IKZF3: variants seen among roughly 807,000 people sequenced by gnomAD.
IKZF3 encodes IKAROS family zinc finger 3, also known as zinc finger protein Aiolos.
IKZF3 carries 10 observed loss-of-function variants against 49.0 expected under a neutral mutation model. The ratio of observed to expected loss-of-function variants is 0.20; its 90% CI spans 0.13 to 0.35. IKZF3 has a LOEUF of 0.35. IKZF3 is among the 10% of genes least tolerant of loss of function. IKZF3 has a pLI of 1.00. For synonymous variants in IKZF3, 209 were observed against 228.2 expected (o/e 0.92, Z 0.76); for missense variants, 498 against 664.8 (o/e 0.75, Z 2.76).
intron 6 of IKZF3, among the ~76,000 whole-genome samples, chr17:39,780,430 C>T (rs2060712260): frequency 6.6e-6 from 1 of 152,074 alleles, no homozygotes; most frequent in Admixed American, 6.5e-5. Flanking sequence ...GTGGCATGAT[C>T]ACAGCTCACT....
chr17:39,791,281 A>C, intron 5 of IKZF3, 135 bp downstream of exon 5: 19 of 847,538 alleles, frequency 2.2e-5, no homozygotes, highest in Non-Finnish European at 3.2e-5. Flanking sequence ...AATTAGCCCT[A>C]GAGGTCTCTG....
At chr17:39,855,327 C>T (rs1439709264) in intron 1 of IKZF3, among the ~76,000 whole-genome samples, 1 of 152,156 alleles carries the variant, frequency 6.6e-6, no homozygotes, top group African/African-American at 2.4e-5. Flanking sequence ...TCAAGGTCAT[C>T]GTGTAATCAT....
Position 39,829,501 on chromosome 17 carries a change from AG to A in IKZF3, c.62-14del. On this transcript the variant is annotated splice_polypyrimidine_tract_variant and intron_variant, in intron 2 of 7. Transcript: ENST00000346872. ...ACCGCTGCACTTTCTAAAAGATAAA[AG>A]GAATTTTAAGTATGTGGTTCAACGT... is the stretch of plus-strand genomic sequence containing the variant. 1 of 1,571,196 alleles carries A rather than the reference AG, an allele frequency of 6.4e-7. No homozygotes were observed. Among genetic ancestry groups the A allele is most frequent in the South Asian group, 1.1e-5 (1 of 90,164 alleles).
intron 3 of IKZF3, among the ~76,000 whole-genome samples, chr17:39,803,811 C>CCA (rs2061376135): frequency 6.6e-6 from 1 of 152,126 alleles, no homozygotes; most frequent in Admixed American, 6.5e-5. Context: ...CCGCGCCCAG[C>CCA]CACTCTATCT....
At chr17:39,816,889 T>G (rs1029235623) in intron 3 of IKZF3, among the ~76,000 whole-genome samples, 1 of 152,114 alleles carries the variant, frequency 6.6e-6, no homozygotes, top group African/African-American at 2.4e-5. Flanking sequence ...AATTTTTGTA[T>G]TTTTAGTAGA....
intron 6 of IKZF3, among the ~76,000 whole-genome samples, chr17:39,785,723 T>C (rs749095931): frequency 6.6e-6 from 1 of 152,190 alleles, no homozygotes; most frequent in African/African-American, 2.4e-5. Context: ...TTACTATATT[T>C]CTTTTGCAAA....
At chr17:39,771,378 G>T (rs1395103727) in intron 7 of IKZF3, among the ~76,000 whole-genome samples, 1 of 152,190 alleles carries the variant, frequency 6.6e-6, no homozygotes, top group East Asian at 1.9e-4. Flanking sequence ...TATTTGCTTA[G>T]CACCATGGTT....
intron 6 of IKZF3, among the ~76,000 whole-genome samples, chr17:39,780,176 A>T (rs2060702201): frequency 6.6e-6 from 1 of 151,580 alleles, no homozygotes; most frequent in Non-Finnish European, 1.5e-5. Context: ...CAAAGACCAC[A>T]ATTACTTTTG....
intron 1 of IKZF3, among the ~76,000 whole-genome samples, chr17:39,858,495 C>T (rs1212507040): frequency 6.6e-6 from 1 of 151,854 alleles, no homozygotes; most frequent in Non-Finnish European, 1.5e-5. Context: ...TATCCATTAC[C>T]AAGTACCTAG....
intron 6 of IKZF3, among the ~76,000 whole-genome samples, chr17:39,784,315 T>C (rs980320704): frequency 6.6e-6 from 1 of 152,214 alleles, no homozygotes; most frequent in African/African-American, 2.4e-5. Context: ...TCTTTTCATA[T>C]ATACTCCATT....
At chr17:39,786,418 G>C (rs1404151997) in intron 6 of IKZF3, among the ~76,000 whole-genome samples, 1 of 151,972 alleles carries the variant, frequency 6.6e-6, no homozygotes, top group Non-Finnish European at 1.5e-5. Flanking sequence ...TCATAGCTTG[G>C]GAATCTCTTA....
chr17:39,761,579 C>A lies in IKZF3; in HGVS notation c.*4211G>T, dbSNP rs549838359. On this transcript the variant is annotated 3_prime_UTR_variant, in exon 8 of 8. Coordinates refer to ENST00000346872, the MANE Select transcript of IKZF3 (RefSeq NM_012481.5). Reference sequence around the variant, plus strand: ...ATATACATACATATATATACATATACAAAAAAAATAAAAATAAATTAAAAA... The same window carrying A: ...ATATACATACATATATATACATATAAAAAAAAAATAAAAATAAATTAAAAA... 6.9e-6 allele frequency: 1 copy of A among 145,264 alleles called. No homozygotes were observed. The highest frequency in any genetic ancestry group is 2.1e-4 in the South Asian group (1 of 4,760). The allele number at this position is 145,264 out of a possible 1,614,324, so 9.0% of individuals were successfully genotyped here.
At chr17:39,826,543 G>A (rs1025096291) in intron 3 of IKZF3, among the ~76,000 whole-genome samples, 1 of 152,220 alleles carries the variant, frequency 6.6e-6, no homozygotes, top group African/African-American at 2.4e-5. Context: ...TGGCCATGTG[G>A]TAAGGCAAGA....
chr17:39,809,395 C>T (rs1312374747), intron 3 of IKZF3, among the ~76,000 whole-genome samples: 1 of 152,122 alleles, frequency 6.6e-6, no homozygotes, highest in African/African-American at 2.4e-5. Flanking sequence ...CATGTTAAAC[C>T]CAGATAATCT....
At chr17:39,828,496 G>T (rs1287598426) in intron 3 of IKZF3, among the ~76,000 whole-genome samples, 1 of 152,212 alleles carries the variant, frequency 6.6e-6, no homozygotes, top group Non-Finnish European at 1.5e-5. Flanking sequence ...AATGAGTTAT[G>T]TAACAAGTCC....
intron 1 of IKZF3, among the ~76,000 whole-genome samples, chr17:39,846,237 A>G (rs537954715): frequency 6.6e-6 from 1 of 152,290 alleles, no homozygotes; most frequent in South Asian, 2.1e-4. Flanking sequence ...AGATACTGAC[A>G]TATATATTAG....
intron 7 of IKZF3, among the ~76,000 whole-genome samples, chr17:39,768,465 C>T (rs998341185): frequency 4.6e-4 from 70 of 152,178 alleles, no homozygotes; most frequent in African/African-American, 1.5e-3. Context: ...TCTCAGGCTT[C>T]ACTCTTCCTT....
At chr17:39,814,126 G>A (rs1469309438) in intron 3 of IKZF3, among the ~76,000 whole-genome samples, 1 of 152,162 alleles carries the variant, frequency 6.6e-6, no homozygotes, top group Non-Finnish European at 1.5e-5. Context: ...ACTATGCCAT[G>A]GGAAGCTACT....
intron 1 of IKZF3, among the ~76,000 whole-genome samples, chr17:39,858,374 CACT>C (rs1313966306): frequency 2.0e-5 from 3 of 152,144 alleles, no homozygotes; most frequent in African/African-American, 7.2e-5. Context: ...TCTCTAAGAA[CACT>C]ACTAAGTACA....
Sources: gnomAD v4.1 joint callset for allele counts (sites outside exome capture counted in the v4.1 genomes callset) on GRCh38, gnomAD v4.1.1 for gene constraint, MANE v1.5 for transcripts, NCBI Gene and HGNC (gene_info 2026-07-23, HGNC 2026-07-21) for gene names.